EPB41L3: variants seen among roughly 807,000 people sequenced by gnomAD.
EPB41L3 encodes band 4.1-like protein 3.
In EPB41L3, 57 loss-of-function variants were observed where a neutral mutation model predicts 127.1. The observed-to-expected ratio is 0.45, with a 90% CI of 0.36 to 0.56. The LOEUF (loss-of-function observed/expected upper bound fraction) is 0.56. Among genes scored for constraint, EPB41L3 ranks in the 20% least tolerant of loss-of-function variants. The pLI, the probability that EPB41L3 is intolerant of heterozygous loss-of-function variation, is 0.00. For missense variants in EPB41L3, 1,273 were observed against 1,372.2 expected (o/e 0.93, Z 1.14); for synonymous variants, 572 against 549.5 (o/e 1.04, Z -0.57).
intron 3 of EPB41L3, among the ~76,000 whole-genome samples, chr18:5,552,827 T>C (rs888276248): frequency 5.3e-5 from 8 of 152,316 alleles, no homozygotes; most frequent in Admixed American, 5.2e-4. Flanking sequence ...TGCCCGACGT[T>C]ACACAGGTTT....
At chr18:5,481,605 G>A (rs1055193498) in intron 2 of EPB41L3, among the ~76,000 whole-genome samples, 2 of 152,172 alleles carry the variant, frequency 1.3e-5, no homozygotes, top group East Asian at 1.9e-4. Flanking sequence ...CCGAGGACAG[G>A]CGGAGAAAAA....
At chr18:5,394,165 A>C (rs2072914690) in intron 22 of EPB41L3, 1 of 152,854 alleles carries the variant, frequency 6.5e-6, no homozygotes, top group African/African-American at 2.4e-5. Flanking sequence ...TTAAAAAAAC[A>C]AAACTAAAGA....
upstream of EPB41L3, among the ~76,000 whole-genome samples, chr18:5,629,678 G>C (rs1027017250): frequency 1.3e-5 from 2 of 152,136 alleles, no homozygotes; most frequent in Non-Finnish European, 2.9e-5. Context: ...TCGAGCTGCA[G>C]GGGGGCGGGG....
chr18:5,394,509 CA>C (rs1567951772), intron 22 of EPB41L3, 167 bp downstream of exon 22: 1 of 572,976 alleles, frequency 1.7e-6, no homozygotes, highest in Non-Finnish European at 3.1e-6. Flanking sequence ...ATGGAAGCTC[CA>C]AATGTGAGAC....
At chr18:5,404,344 A>C (rs1458706513) in intron 16 of EPB41L3, among the ~76,000 whole-genome samples, 2 of 152,134 alleles carry the variant, frequency 1.3e-5, no homozygotes, top group African/African-American at 4.8e-5. Context: ...GGGACTACAA[A>C]ACAACCCTGC....
intron 1 of EPB41L3, among the ~76,000 whole-genome samples, chr18:5,512,146 T>C (rs1054015348): frequency 6.6e-6 from 1 of 152,138 alleles, no homozygotes; most frequent in African/African-American, 2.4e-5. Context: ...GCTGGGGACA[T>C]AATGATGAAC....
chr18:5,581,445 G>A (rs1043268418), intron 3 of EPB41L3, among the ~76,000 whole-genome samples: 1 of 152,074 alleles, frequency 6.6e-6, no homozygotes, highest in Non-Finnish European at 1.5e-5. Context: ...AGGTAAATAC[G>A]TTATCATTTT....
upstream of EPB41L3, among the ~76,000 whole-genome samples, chr18:5,547,179 G>C (rs564652323): frequency 6.6e-5 from 10 of 152,148 alleles, no homozygotes; most frequent in South Asian, 2.1e-4. Context: ...AATTATGATT[G>C]AATTTGCTTG....
At chr18:5,425,089 A>AGAAGGTACACATCAGACCACCAGAGG (rs2077983886) in intron 9 of EPB41L3, among the ~76,000 whole-genome samples, 1 of 152,190 alleles carries the variant, frequency 6.6e-6, no homozygotes, top group Admixed American at 6.5e-5. Flanking sequence ...CACATTCTGA[A>AGAAGGTACACATCAGACCACCAGAGG]GAAGGTACAC....
intron 3 of EPB41L3, among the ~76,000 whole-genome samples, chr18:5,469,178 C>T (rs1465497105): frequency 6.6e-6 from 1 of 152,186 alleles, no homozygotes; most frequent in Non-Finnish European, 1.5e-5. Flanking sequence ...TTCCTCGCCA[C>T]ACTGGGGGTG....
intron 14 of EPB41L3, among the ~76,000 whole-genome samples, chr18:5,409,559 C>T (rs886419710): frequency 2.0e-5 from 3 of 152,064 alleles, no homozygotes; most frequent in African/African-American, 7.2e-5. Context: ...GGATTGAACT[C>T]TGGCATTTCT....
At chr18:5,484,335 T>C (rs1003031758) in intron 2 of EPB41L3, among the ~76,000 whole-genome samples, 4 of 150,926 alleles carry the variant, frequency 2.7e-5, no homozygotes, top group African/African-American at 9.7e-5. Context: ...CTGTGGGCTA[T>C]AACAAAAGCA....
intron 3 of EPB41L3, among the ~76,000 whole-genome samples, chr18:5,587,108 T>C (rs2094448365): frequency 1.3e-5 from 2 of 152,194 alleles, no homozygotes; most frequent in Non-Finnish European, 2.9e-5. Flanking sequence ...TAAGTTACTA[T>C]ATCTGCCAAA....
intron 1 of EPB41L3, among the ~76,000 whole-genome samples, chr18:5,495,398 TTAAAAAAA>T (rs2091055131): frequency 1.5e-5 from 2 of 133,620 alleles, no homozygotes; most frequent in South Asian, 4.8e-4. Context: ...TATTGGAAAC[TTAAAAAAA>T]AAAAAAAAAA....
intron 22 of EPB41L3, chr18:5,394,433 A>G (rs1022543736): frequency 2.4e-6 from 1 of 410,484 alleles, no homozygotes; most frequent in African/African-American, 2.0e-5. Context: ...CCACACAAGC[A>G]TAGAAGCATA....
rs35380352 is a variant in EPB41L3 at position 5,597,960 on chromosome 18, C to A, written c.-306+14380G>T. 3.9e-5 allele frequency among the ~76,000 whole-genome samples: 6 copies of A among 152,294 alleles called. No homozygotes were observed. The East Asian group carries it at 9.6e-4, about 24-fold the overall frequency. On this transcript the variant is annotated intron_variant, in intron 3 of 21. Transcript: ENST00000545076. ...CCACGTGTTTGAGTGCTCTCTCTGT[C>A]CCAGATCCTGCATGCACAATGTTTC...
intron 3 of EPB41L3, among the ~76,000 whole-genome samples, chr18:5,568,470 T>C (rs1265163059): frequency 6.6e-6 from 1 of 151,096 alleles, no homozygotes; most frequent in Non-Finnish European, 1.5e-5. Flanking sequence ...AGCAAAGGCT[T>C]TGTTGACACA....
intron 9 of EPB41L3, among the ~76,000 whole-genome samples, chr18:5,424,898 C>T (rs769631965): frequency 1.3e-5 from 2 of 152,102 alleles, no homozygotes; most frequent in African/African-American, 4.8e-5. Flanking sequence ...TATGGATTAT[C>T]GTGTTAAATG....
chr18:5,443,948 A>G, intron 4 of EPB41L3, 68 bp from the exon 5 acceptor site: 2 of 1,350,436 alleles, frequency 1.5e-6, no homozygotes, highest in Non-Finnish European at 2.1e-6. Flanking sequence ...TTGATTAGGT[A>G]CAGACTCTCC....
Sources: allele counts gnomAD v4.1 joint callset (sites outside exome capture counted in the v4.1 genomes callset), GRCh38; gene constraint gnomAD v4.1.1; transcripts MANE v1.5; gene names NCBI Gene and HGNC (gene_info 2026-07-23, HGNC 2026-07-21).